Variants in NOTCH2NLC observed in about 807,000 individuals in gnomAD.
NOTCH2NLC encodes the protein notch homolog 2 N-terminal-like protein C.
In NOTCH2NLC, 4 loss-of-function variants were observed where a neutral mutation model predicts 17.7. The ratio of observed to expected loss-of-function variants is 0.23; its 90% CI spans 0.11 to 0.52. The LOEUF is 0.52. Among genes scored for constraint, NOTCH2NLC ranks in the 20% least tolerant of loss-of-function variants. The probability of loss-of-function intolerance (pLI) is 0.96; values close to 1 mark genes in which losing one functional copy is unlikely to be tolerated. For synonymous variants in NOTCH2NLC, 18 were observed against 86.0 expected, an observed-to-expected ratio of 0.21 and a Z score of 4.38; for missense variants, 57 against 207.2, an observed-to-expected ratio of 0.28 and a Z score of 4.45.
At position 149,470,233 on chromosome 1, in the gene NOTCH2NLC, C is replaced by CT. The variant is rs1302621473; in HGVS notation, c.*6081dup. Among the ~76,000 whole-genome samples the CT allele has an allele frequency of 6.6e-6, 1 of 151,176 alleles. No homozygotes were observed. The highest frequency in any genetic ancestry group is 6.6e-5 in the Admixed American group (1 of 15,144). ...ATAAAAGGATTAGAGCAGACAATCTCTAACAAATGCTATAATACCACTGAC... is the reference window on the plus strand; with the variant it reads ...ATAAAAGGATTAGAGCAGACAATCTCTTAACAAATGCTATAATACCACTGAC... On this transcript the variant is annotated 3_prime_UTR_variant, in exon 5 of 5. Coordinates refer to ENST00000650865, the MANE Select transcript of NOTCH2NLC (RefSeq NM_001364013.2).
chr1:149,425,273 GC>G, intron 1 of NOTCH2NLC, among the ~76,000 whole-genome samples: 1 of 150,064 alleles, frequency 6.7e-6, no homozygotes, highest in South Asian at 2.1e-4. Flanking sequence ...GGGGGTGGTG[GC>G]CCTGTGAGGA....
intron 2 of NOTCH2NLC, among the ~76,000 whole-genome samples, chr1:149,449,069 G>A (rs2084574057): frequency 6.7e-6 from 1 of 148,642 alleles, no homozygotes; most frequent in Admixed American, 6.7e-5. Context: ...TTTTAGTAGA[G>A]ACAGGGTTTC....
At chr1:149,413,897 TTAGCC>T (rs1251044077) in intron 1 of NOTCH2NLC, among the ~76,000 whole-genome samples, 29 of 150,492 alleles carry the variant, frequency 1.9e-4, no homozygotes, top group African/African-American at 5.6e-4. Context: ...CTCTAGCACT[TTAGCC>T]AAAGGAGCTC....
intron 1 of NOTCH2NLC, among the ~76,000 whole-genome samples, chr1:149,428,804 A>T (rs2084427024): frequency 1.3e-5 from 2 of 150,182 alleles, no homozygotes; most frequent in African/African-American, 4.9e-5. Context: ...CCACTGCACC[A>T]GGATTCCTGC....
chr1:149,409,448 A>C (rs1336723284), intron 1 of NOTCH2NLC, among the ~76,000 whole-genome samples: 7 of 149,938 alleles, frequency 4.7e-5, no homozygotes, highest in African/African-American at 1.7e-4. Flanking sequence ...AGAATGCTGC[A>C]TAGATCTAGT....
rs1266359745 is a variant in NOTCH2NLC, at chr1:149,466,166, G to T, written c.*2013G>T. 9 of 116,722 alleles carry T rather than the reference G, an allele frequency of 7.7e-5. No homozygotes were observed. The highest frequency in any genetic ancestry group is 1.6e-4 in the Non-Finnish European group (9 of 55,802). 7.2% of individuals were successfully genotyped at this position (116,722 alleles called of 1,614,324 possible). A position where few individuals can be genotyped will look rare whatever the true frequency, so the allele number is the denominator to read the frequency against. On this transcript the variant is annotated 3_prime_UTR_variant, in exon 5 of 5. Transcript: ENST00000650865. ...TTTCGTTAAATGCTTTAAGCTGTTT[G>T]GGTTAAAAATATATGTTCATGTTAT...
rs2084683314 is a variant in NOTCH2NLC at position 149,466,277 on chromosome 1, G to GGTATATATATATATATATATATATATA, written c.*2124_*2125insGTATATATATATATATATATATATATA. On this transcript the variant is annotated 3_prime_UTR_variant, in exon 5 of 5. Transcript: ENST00000650865. ...GTGTGTGTGTGTGTGTGTGTGTGTG[G>GGTATATATATATATATATATATATATA]TATATATATATATATCGCATTGTGC... The GGTATATATATATATATATATATATATA allele has an allele frequency of 2.8e-5, 4 of 142,462 alleles. No homozygotes were observed. Among genetic ancestry groups the GGTATATATATATATATATATATATATA allele is most frequent in the African/African-American group, 1.1e-4 (4 of 37,830 alleles). The allele number at this position is 142,462 out of a possible 1,614,324, so 8.8% of individuals were successfully genotyped here. A position where few individuals can be genotyped will look rare whatever the true frequency, so the allele number is the denominator to read the frequency against.
In NOTCH2NLC at chr1:149,390,802, A is replaced by AGGCGGCGGCGGTGGCGGC; in HGVS notation, c.26_27insTGGCGGCGGCGGCGGCGG (p.Gly13_Gly18dup). ...ACCCCCTCCCCATGTGGATCTGCCCAGGCGGCGGCGGCGGCGGCGGCGGCG... is the reference window on the plus strand; with the variant it reads ...ACCCCCTCCCCATGTGGATCTGCCCAGGCGGCGGCGGTGGCGGCGGCGGCGGCGGCGGCGGCGGCGGCG... On this transcript the variant is annotated inframe_insertion, in exon 1 of 5. Coordinates refer to ENST00000650865, the MANE Select transcript of NOTCH2NLC (RefSeq NM_001364013.2). 1 of 948,690 alleles carries AGGCGGCGGCGGTGGCGGC rather than the reference A, an allele frequency of 1.1e-6. No homozygotes were observed. The highest frequency in any genetic ancestry group is 1.3e-6 in the Non-Finnish European group (1 of 748,852). 58.8% of individuals were successfully genotyped at this position (948,690 alleles called of 1,614,324 possible). A position where few individuals can be genotyped will look rare whatever the true frequency, so the allele number is the denominator to read the frequency against.
intron 1 of NOTCH2NLC, among the ~76,000 whole-genome samples, chr1:149,410,293 T>C (rs1263304316): frequency 6.7e-6 from 1 of 149,304 alleles, no homozygotes; most frequent in African/African-American, 2.5e-5. Flanking sequence ...CTTTTGCCCT[T>C]GGAAGGTATA....
At chr1:149,445,023 C>T (rs1223239454) in intron 2 of NOTCH2NLC, among the ~76,000 whole-genome samples, 1 of 146,510 alleles carries the variant, frequency 6.8e-6, no homozygotes, top group African/African-American at 2.5e-5. Flanking sequence ...AGCTTCTTCT[C>T]TTTTTTTCCC....
intron 2 of NOTCH2NLC, among the ~76,000 whole-genome samples, chr1:149,448,823 A>T (rs1420362705): frequency 7.1e-6 from 1 of 141,286 alleles, no homozygotes; most frequent in South Asian, 2.3e-4. Flanking sequence ...GTGTTGAAGC[A>T]CACGCACTCT....
At chr1:149,419,423 A>G (rs1434391176) in intron 1 of NOTCH2NLC, among the ~76,000 whole-genome samples, 11 of 150,658 alleles carry the variant, frequency 7.3e-5, no homozygotes, top group African/African-American at 2.7e-4. Flanking sequence ...AATATATACA[A>G]AATTTTCTGT....
intron 1 of NOTCH2NLC, among the ~76,000 whole-genome samples, chr1:149,404,334 A>G (rs2084256075): frequency 6.6e-6 from 1 of 151,368 alleles, no homozygotes; most frequent in Non-Finnish European, 1.5e-5. Context: ...CTTTTATTGC[A>G]ACCTCAGGGG....
chr1:149,460,432 G>A (rs1186400948), intron 3 of NOTCH2NLC, among the ~76,000 whole-genome samples: 6 of 142,454 alleles, frequency 4.2e-5, no homozygotes, highest in Non-Finnish European at 7.7e-5. Context: ...TCCACCTCCC[G>A]GGTTCACGCC....
chr1:149,426,841 G>A (rs1307394857), intron 1 of NOTCH2NLC, among the ~76,000 whole-genome samples: 1 of 149,520 alleles, frequency 6.7e-6, no homozygotes, highest in Admixed American at 6.7e-5. Context: ...AAATTTAAGT[G>A]TTTTACATTG....
intron 1 of NOTCH2NLC, among the ~76,000 whole-genome samples, chr1:149,412,969 A>T (rs1321238515): frequency 2.6e-5 from 3 of 116,166 alleles, no homozygotes; most frequent in Non-Finnish European, 5.0e-5. Context: ...CAGTGGTGCG[A>T]TGTTGGCTTA....
At chr1:149,423,239 T>C (rs2084387209) in intron 1 of NOTCH2NLC, among the ~76,000 whole-genome samples, 1 of 149,610 alleles carries the variant, frequency 6.7e-6, no homozygotes, top group Admixed American at 6.7e-5. Flanking sequence ...CTCTTATTGC[T>C]TTTTTTTGGG....
At chr1:149,460,927 CTCTT>C (rs2084645893) in intron 3 of NOTCH2NLC, among the ~76,000 whole-genome samples, 2 of 134,850 alleles carry the variant, frequency 1.5e-5, no homozygotes, top group Admixed American at 7.6e-5. Context: ...CTCTCTTTCT[CTCTT>C]TCTCTCTCTT....
At chr1:149,412,809 T>A in intron 1 of NOTCH2NLC, among the ~76,000 whole-genome samples, 2 of 89,874 alleles carry the variant, frequency 2.2e-5, no homozygotes, top group Admixed American at 1.4e-4. Context: ...AGAGACTGCA[T>A]CTCAAAAAAA....
Sources: allele counts gnomAD v4.1 joint callset (sites outside exome capture counted in the v4.1 genomes callset), GRCh38; gene constraint gnomAD v4.1.1; transcripts MANE v1.5; gene names NCBI Gene and HGNC (gene_info 2026-07-23, HGNC 2026-07-21).